Variants in KCNT2 observed in about 807,000 individuals in gnomAD.
KCNT2 encodes the protein potassium channel subfamily T member 2.
A neutral mutation model predicts 153.8 loss-of-function variants in KCNT2; 67 were observed. The observed-to-expected ratio is 0.44, with a 90% confidence interval of 0.36 to 0.53. KCNT2 has a LOEUF of 0.53. Among genes scored for constraint, KCNT2 ranks in the 20% least tolerant of loss-of-function variants. The probability of loss-of-function intolerance (pLI) is 0.00; values close to 1 mark genes in which losing one functional copy is unlikely to be tolerated. For synonymous variants in KCNT2, 500 were observed against 458.8 expected (o/e 1.09, Z -1.15); for missense variants, 975 against 1,354.8 (o/e 0.72, Z 4.40).
chr1:196,406,445 T>C (rs572258592), intron 12 of KCNT2, among the ~76,000 whole-genome samples: 3 of 151,370 alleles, frequency 2.0e-5, no homozygotes, highest in Non-Finnish European at 4.4e-5. Flanking sequence ...ACCATTAAAA[T>C]ATGTGGCTGC....
intron 21 of KCNT2, among the ~76,000 whole-genome samples, chr1:196,314,363 ACC>A (rs952315653): frequency 6.6e-6 from 1 of 151,484 alleles, no homozygotes; most frequent in African/African-American, 2.4e-5. Flanking sequence ...TTAATTTTCT[ACC>A]CTGTAATTTT....
chr1:196,584,370 A>T (rs1662420933), intron 1 of KCNT2, among the ~76,000 whole-genome samples: 1 of 152,022 alleles, frequency 6.6e-6, no homozygotes, highest in Non-Finnish European at 1.5e-5. Context: ...CAAACCTGTG[A>T]TATATGGGGA....
intron 14 of KCNT2, among the ~76,000 whole-genome samples, chr1:196,348,214 A>T (rs1446525447): frequency 1.3e-5 from 2 of 152,118 alleles, no homozygotes; most frequent in Admixed American, 1.3e-4. Flanking sequence ...ATTAAAAAAA[A>T]AAAAACTGAG....
At chr1:196,589,721 A>C (rs1275278173) in intron 1 of KCNT2, among the ~76,000 whole-genome samples, 1 of 152,106 alleles carries the variant, frequency 6.6e-6, no homozygotes, top group Non-Finnish European at 1.5e-5. Flanking sequence ...GGCTCTCTGT[A>C]GGTGTTTTGA....
At chr1:196,310,688 A>G (rs1305190618) in intron 21 of KCNT2, among the ~76,000 whole-genome samples, 1 of 151,926 alleles carries the variant, frequency 6.6e-6, no homozygotes, top group Non-Finnish European at 1.5e-5. Flanking sequence ...AAACAAATAA[A>G]CAAAACTTGC....
chr1:196,570,816 G>C (rs1232205858), intron 1 of KCNT2, among the ~76,000 whole-genome samples: 2 of 152,082 alleles, frequency 1.3e-5, no homozygotes, highest in East Asian at 3.9e-4. Flanking sequence ...ACAGAACACA[G>C]AGAGTTCATC....
At chr1:196,321,842 C>T (rs1282221223) in intron 19 of KCNT2, among the ~76,000 whole-genome samples, 3 of 151,946 alleles carry the variant, frequency 2.0e-5, no homozygotes, top group African/African-American at 7.2e-5. Flanking sequence ...TGTGCATTTA[C>T]ATGTATTATG....
At chr1:196,568,134 C>A (rs1166569157) in intron 1 of KCNT2, among the ~76,000 whole-genome samples, 1 of 152,156 alleles carries the variant, frequency 6.6e-6, no homozygotes. Flanking sequence ...GGTCCCCAAC[C>A]TTTTTGGCAC....
At chr1:196,467,276 C>CAGTGACTTTAGTG (rs1355192086) in intron 7 of KCNT2, among the ~76,000 whole-genome samples, 3 of 151,932 alleles carry the variant, frequency 2.0e-5, no homozygotes, top group Non-Finnish European at 4.4e-5. Flanking sequence ...AATTCTGAAC[C>CAGTGACTTTAGTG]ATTTTTCTTT....
intron 1 of KCNT2, among the ~76,000 whole-genome samples, chr1:196,562,070 G>T (rs1279943718): frequency 6.6e-6 from 1 of 151,816 alleles, no homozygotes; most frequent in Non-Finnish European, 1.5e-5. Flanking sequence ...ACTTGAAAAA[G>T]GTGCCAGGCC....
At chr1:196,256,732 C>T (rs1656546138) in intron 26 of KCNT2, among the ~76,000 whole-genome samples, 3 of 143,840 alleles carry the variant, frequency 2.1e-5, no homozygotes, top group Admixed American at 1.4e-4. Context: ...ATATATATAT[C>T]CTTTGATCTG....
At chr1:196,342,428 ATATATATATATATATATATG>A (rs1376633538) in intron 14 of KCNT2, among the ~76,000 whole-genome samples, 200 bp from the exon 15 acceptor site, 257 of 120,024 alleles carry the variant, frequency 2.1e-3, no homozygotes, top group Non-Finnish European at 4.1e-3. Flanking sequence ...TACTATATAT[ATATATATATATATATATATG>A]TATATATATA....
intron 22 of KCNT2, among the ~76,000 whole-genome samples, chr1:196,303,810 A>G (rs1661395183): frequency 6.6e-6 from 1 of 152,174 alleles, no homozygotes; most frequent in Admixed American, 6.5e-5. Context: ...TGGCTTCTTC[A>G]TCACAAGTGA....
intron 1 of KCNT2, among the ~76,000 whole-genome samples, chr1:196,570,476 A>G (rs1437111725): frequency 2.6e-5 from 4 of 152,160 alleles, no homozygotes; most frequent in Non-Finnish European, 5.9e-5. Context: ...ACACTTTCAT[A>G]TCACATATTG....
intron 22 of KCNT2, among the ~76,000 whole-genome samples, chr1:196,294,142 C>T (rs552625383): frequency 2.0e-5 from 3 of 152,192 alleles, no homozygotes; most frequent in African/African-American, 7.2e-5. Flanking sequence ...CAAATTAAAG[C>T]TACAATAAGA....
chr1:196,272,514 G>T (rs1658166345), intron 25 of KCNT2, among the ~76,000 whole-genome samples: 1 of 151,708 alleles, frequency 6.6e-6, no homozygotes, highest in Admixed American at 6.6e-5. Context: ...TGTAATTCTG[G>T]TAGATAACAA....
chr1:196,327,668 C>CTTTTTTTTTCT lies in KCNT2; in HGVS notation c.2104-780_2104-779insAGAAAAAAAAA, dbSNP rs1553284817. ...TTTATCACCTCTGGAATATTCTGAT[C>CTTTTTTTTTCT]TTTTTTTTTTTTTTTGAGACAGGGC... On this transcript the variant is annotated intron_variant, in intron 18 of 27. Coordinates refer to ENST00000294725, the MANE Select transcript of KCNT2 (RefSeq NM_198503.5). Among the ~76,000 whole-genome samples, 174 of 127,888 alleles carry CTTTTTTTTTCT rather than the reference C, an allele frequency of 1.4e-3. 3 individuals are homozygous for CTTTTTTTTTCT. The highest frequency in any genetic ancestry group is 5.2e-3 in the African/African-American group (161 of 30,760). The allele number at this position is 127,888 out of a possible 152,430, so 83.9% of individuals were successfully genotyped here. A position where few individuals can be genotyped will look rare whatever the true frequency, so the allele number is the denominator to read the frequency against.
At chr1:196,242,673 C>T (rs1426115324) in intron 26 of KCNT2, among the ~76,000 whole-genome samples, 2 of 152,046 alleles carry the variant, frequency 1.3e-5, no homozygotes, top group African/African-American at 2.4e-5. Flanking sequence ...TTATTTGGAT[C>T]ACAGATAACT....
intron 25 of KCNT2, among the ~76,000 whole-genome samples, chr1:196,278,798 A>G (rs531370167): frequency 6.6e-6 from 1 of 152,324 alleles, no homozygotes; most frequent in East Asian, 1.9e-4. Flanking sequence ...GCTATGGTCA[A>G]ATAAGAAATG....
Sources: gnomAD v4.1 joint callset for allele counts (sites outside exome capture counted in the v4.1 genomes callset) on GRCh38, gnomAD v4.1.1 for gene constraint, MANE v1.5 for transcripts, NCBI Gene and HGNC (gene_info 2026-07-23, HGNC 2026-07-21) for gene names.